Variants in C11orf65 observed in about 807,000 individuals in gnomAD.
C11orf65 encodes the protein protein MFI.
Under a neutral mutation model 35.3 loss-of-function variants are expected in C11orf65, and 38 were observed. That is an observed-to-expected ratio of 1.08 (90% confidence interval 0.83 to 1.41). The LOEUF (loss-of-function observed/expected upper bound fraction) is 1.41. Ranked by LOEUF, C11orf65 falls within the 40% of genes most tolerant of loss-of-function variation. C11orf65 has a pLI of 0.00. For synonymous variants in C11orf65, 105 were observed against 114.4 expected (o/e 0.92, Z 0.53); for missense variants, 370 against 367.1 (o/e 1.01, Z -0.06).
At chr11:108,447,379 T>G (rs947599593) in intron 2 of C11orf65, among the ~76,000 whole-genome samples, 3 of 152,188 alleles carry the variant, frequency 2.0e-5, no homozygotes, top group South Asian at 2.1e-4. Flanking sequence ...ACCACATAGT[T>G]GGAAGTAAAG....
At chr11:108,366,479 CCTG>C in intron 2 of C11orf65, 1 of 224,058 alleles carries the variant, frequency 4.5e-6, no homozygotes, top group Admixed American at 5.7e-5. Context: ...AAATTTAGTT[CCTG>C]CTGTTTATAT....
At chr11:108,386,932 T>A (rs984206265) in intron 7 of C11orf65, among the ~76,000 whole-genome samples, 58 of 151,678 alleles carry the variant, frequency 3.8e-4, no homozygotes, top group Middle Eastern at 3.2e-3. Context: ...ATACAAAAAA[T>A]TAGCCAGGTG....
chr11:108,316,195 GC>G (rs1256324904), intron 6 of C11orf65: 30 of 1,269,720 alleles, frequency 2.4e-5, no homozygotes, highest in Non-Finnish European at 3.2e-5. Flanking sequence ...TATTTACACA[GC>G]CAGATAAACT....
intron 2 of C11orf65, among the ~76,000 whole-genome samples, chr11:108,353,599 A>T (rs1284159094): frequency 6.6e-6 from 1 of 152,240 alleles, no homozygotes; most frequent in Admixed American, 6.5e-5. Context: ...ACAGACAGTG[A>T]CAAAGATGAG....
intron 3 of C11orf65, among the ~76,000 whole-genome samples, chr11:108,407,809 G>A (rs562843340): frequency 6.6e-5 from 10 of 150,954 alleles, no homozygotes; most frequent in Admixed American, 5.3e-4. Flanking sequence ...GCAGGCACCT[G>A]TAGTCTCAGC....
chr11:108,450,317 A>G (rs2093328927), intron 2 of C11orf65, among the ~76,000 whole-genome samples: 1 of 151,654 alleles, frequency 6.6e-6, no homozygotes, highest in African/African-American at 2.4e-5. Context: ...ATAAAGACAC[A>G]TGCACACGTA....
Position 108,440,317 on chromosome 11 carries a change from A to G in C11orf65, c.82-8479T>C, listed in dbSNP as rs534528219. ...ACAACCACCATTTTATTATGCTCATAATTATGGGTTACGAATTCTGGTAGG... is the reference window on the plus strand; with the variant it reads ...ACAACCACCATTTTATTATGCTCATGATTATGGGTTACGAATTCTGGTAGG... On this transcript the variant is annotated intron_variant, in intron 2 of 8. Coordinates refer to ENST00000393084, the MANE Select transcript of C11orf65 (RefSeq NM_152587.5). Among the ~76,000 whole-genome samples the G allele has an allele frequency of 2.6e-5, 4 of 152,294 alleles. No individual in the cohort carries two copies. In the East Asian group the frequency reaches 7.7e-4, roughly 29 times the overall value.
intron 2 of C11orf65, among the ~76,000 whole-genome samples, chr11:108,343,055 A>G (rs1350836910): frequency 1.3e-5 from 2 of 152,160 alleles, no homozygotes; most frequent in Admixed American, 6.5e-5. Flanking sequence ...TTTGAGCTTA[A>G]GTTTATTTCC....
downstream of C11orf65, among the ~76,000 whole-genome samples, chr11:108,328,605 C>G (rs572321335): frequency 7.9e-5 from 12 of 152,268 alleles, no homozygotes; most frequent in South Asian, 2.5e-3. Flanking sequence ...CAAGTATTAG[C>G]TGTCTGGGTT....
chr11:108,378,744 C>A (rs1233659617), downstream of C11orf65, among the ~76,000 whole-genome samples: 1 of 143,000 alleles, frequency 7.0e-6, no homozygotes, highest in Non-Finnish European at 1.5e-5. Flanking sequence ...TGACAAAGGG[C>A]TAATATCCAG....
chr11:108,392,787 C>A (rs1260354588), intron 7 of C11orf65, among the ~76,000 whole-genome samples: 1 of 152,188 alleles, frequency 6.6e-6, no homozygotes, highest in Admixed American at 6.5e-5. Flanking sequence ...ATTTCCCCCA[C>A]ACAAGAAATC....
In C11orf65 at chr11:108,407,155, A is replaced by G. The variant is rs896768492; in HGVS notation, c.175-6T>C. 2 of 1,582,318 alleles carry G rather than the reference A, an allele frequency of 1.3e-6. No individual in the cohort carries two copies. Among genetic ancestry groups the G allele is most frequent in the Non-Finnish European group, 1.7e-6 (2 of 1,157,654 alleles). Reference sequence around the variant, plus strand: ...GCAGCATCTAGAAGCTCTGCCTATAAGAAAATATATTATTCTTATATATTA... The same window carrying G: ...GCAGCATCTAGAAGCTCTGCCTATAGGAAAATATATTATTCTTATATATTA... On this transcript the variant is annotated splice_polypyrimidine_tract_variant and splice_region_variant and intron_variant, in intron 3 of 8. Transcript: ENST00000393084.
Position 108,422,736 on chromosome 11 carries a change from G to A in C11orf65, c.174+9010C>T, listed in dbSNP as rs11212623. 6.0e-3 allele frequency among the ~76,000 whole-genome samples: 919 copies of A among 152,110 alleles called. 6 individuals are homozygous for A. Among genetic ancestry groups the A allele is most frequent in the East Asian group, 0.011 (55 of 5,152 alleles). ...GTTTCTACTAAAAATACAAAAATTA[G>A]CAGGGCATGGTGGCGGGCACCTGTA... On this transcript the variant is annotated intron_variant, in intron 3 of 8. Coordinates refer to ENST00000393084, the MANE Select transcript of C11orf65 (RefSeq NM_152587.5).
chr11:108,411,271 G>T (rs1337145259), intron 3 of C11orf65, among the ~76,000 whole-genome samples: 2 of 152,026 alleles, frequency 1.3e-5, no homozygotes, highest in African/African-American at 4.8e-5. Context: ...AAAATTTGGT[G>T]GTTTTCTACT....
chr11:108,330,512 A>G, downstream of C11orf65: 1 of 1,310,148 alleles, frequency 7.6e-7, no homozygotes, highest in Non-Finnish European at 1.1e-6. Context: ...ACCTCTTTGT[A>G]TTCCTAGCAC....
At chr11:108,412,738 G>A (rs1228293272) in intron 3 of C11orf65, among the ~76,000 whole-genome samples, 2 of 152,040 alleles carry the variant, frequency 1.3e-5, no homozygotes, top group Non-Finnish European at 2.9e-5. Flanking sequence ...CTTTATCGAA[G>A]AGGAAGAAAG....
At chr11:108,469,137 G>A (rs1020578791), upstream of C11orf65, among the ~76,000 whole-genome samples, 4 of 151,872 alleles carry the variant, frequency 2.6e-5, no homozygotes, top group Admixed American at 6.6e-5. Flanking sequence ...GATAGAACCC[G>A]GGAGGCAGAG....
At chr11:108,357,501 C>CA (rs2137483152) in intron 2 of C11orf65, among the ~76,000 whole-genome samples, 1 of 152,324 alleles carries the variant, frequency 6.6e-6, no homozygotes, top group South Asian at 2.1e-4. Flanking sequence ...AGGGCACAGA[C>CA]AAACAAAAAG....
chr11:108,452,141 C>T (rs1389254980), intron 2 of C11orf65, among the ~76,000 whole-genome samples: 6 of 152,030 alleles, frequency 3.9e-5, no homozygotes, highest in African/African-American at 1.4e-4. Flanking sequence ...CAACAAAAGC[C>T]AAAATTGACA....
Sources: allele counts gnomAD v4.1 joint callset (sites outside exome capture counted in the v4.1 genomes callset), GRCh38; gene constraint gnomAD v4.1.1; transcripts MANE v1.5; gene names NCBI Gene and HGNC (gene_info 2026-07-23, HGNC 2026-07-21).